The following ASPRV1 variants were observed in gnomAD, a reference collection of about 807,000 sequenced individuals.
The protein encoded by ASPRV1 is retroviral-like aspartic protease 1.
In ASPRV1, 7 loss-of-function variants were observed where a neutral mutation model predicts 11.0. The observed-to-expected ratio is 0.64, with a 90% CI of 0.36 to 1.20. The LOEUF is 1.20. Ranked by LOEUF, ASPRV1 falls within the 50% of genes most tolerant of loss-of-function variation. The pLI, the probability that ASPRV1 is intolerant of heterozygous loss-of-function variation, is 0.02. For synonymous variants in ASPRV1, 136 were observed against 138.4 expected (o/e 0.98, Z 0.12); for missense variants, 299 against 320.0 (o/e 0.93, Z 0.50).
At chr2:69,956,375 G>C (rs116504853), downstream of ASPRV1, among the ~76,000 whole-genome samples, 1,916 of 151,458 alleles carry the variant, frequency 0.013, 39 homozygotes, top group South Asian at 0.037. Flanking sequence ...TTGAGCCCAG[G>C]AGTTTGAGAC....
chr2:70,062,884 T>G, the ASPRV1 span, among the ~76,000 whole-genome samples: 2 of 152,232 alleles, frequency 1.3e-5, no homozygotes, highest in South Asian at 4.1e-4. Context: ...CCATGGGACT[T>G]AAGAGAACAG....
the ASPRV1 span, among the ~76,000 whole-genome samples, chr2:70,008,377 G>A: frequency 6.6e-6 from 1 of 152,090 alleles, no homozygotes; most frequent in African/African-American, 2.4e-5. Context: ...CCTGACAATA[G>A]AAAACTTAAT....
chr2:70,009,672 G>C, the ASPRV1 span, among the ~76,000 whole-genome samples: 1 of 152,160 alleles, frequency 6.6e-6, no homozygotes, highest in East Asian at 1.9e-4. Flanking sequence ...CACATCCTTT[G>C]CCTCCAGGGG....
At chr2:69,972,660 C>T in the ASPRV1 span, among the ~76,000 whole-genome samples, 2 of 152,044 alleles carry the variant, frequency 1.3e-5, no homozygotes, top group Non-Finnish European at 1.5e-5. Context: ...CCGGGCCTGC[C>T]GTCCTCTCGG....
At chr2:70,021,593 C>G in the ASPRV1 span, among the ~76,000 whole-genome samples, 151 of 152,240 alleles carry the variant, frequency 9.9e-4, no homozygotes, top group African/African-American at 3.6e-3. Context: ...GCTGGGATTA[C>G]AGGTGTGAGC....
At chr2:70,057,164 G>A in the ASPRV1 span, among the ~76,000 whole-genome samples, 2 of 152,008 alleles carry the variant, frequency 1.3e-5, no homozygotes, top group East Asian at 1.9e-4. Flanking sequence ...CACTTTGGGA[G>A]GCCAAGGTAG....
the ASPRV1 span, among the ~76,000 whole-genome samples, chr2:70,058,882 C>CTT: frequency 2.8e-3 from 283 of 102,226 alleles, 5 homozygotes; most frequent in East Asian, 3.8e-3. Flanking sequence ...TATTACCCAA[C>CTT]TTTTTTTTTT....
chr2:70,076,256 G>A, the ASPRV1 span, among the ~76,000 whole-genome samples: 4 of 152,340 alleles, frequency 2.6e-5, no homozygotes, highest in East Asian at 7.7e-4. Context: ...CTAAGGTGAT[G>A]CAGCGTAATG....
At chr2:70,017,060 A>G in the ASPRV1 span, among the ~76,000 whole-genome samples, 1 of 152,050 alleles carries the variant, frequency 6.6e-6, no homozygotes, top group African/African-American at 2.4e-5. Flanking sequence ...GCGTGATCTC[A>G]GATCACTGCA....
chr2:69,987,131 G>T, the ASPRV1 span, among the ~76,000 whole-genome samples: 1 of 152,290 alleles, frequency 6.6e-6, no homozygotes, highest in Admixed American at 6.5e-5. Context: ...GGGTGGGAAT[G>T]CGTGAGAAGT....
chr2:70,003,492 GCTCT>G, the ASPRV1 span, among the ~76,000 whole-genome samples: 1 of 152,206 alleles, frequency 6.6e-6, no homozygotes, highest in African/African-American at 2.4e-5. Context: ...GCACTCTCTT[GCTCT>G]CTCTGTGAAG....
At chr2:69,947,724 T>TTATTGGGGTCAA in the ASPRV1 span, among the ~76,000 whole-genome samples, 1 of 151,592 alleles carries the variant, frequency 6.6e-6, no homozygotes, top group African/African-American at 2.4e-5. Flanking sequence ...GGGTCAAGGG[T>TTATTGGGGTCAA]GTGGAGAGGG....
chr2:69,991,230 T>A, the ASPRV1 span, among the ~76,000 whole-genome samples: 1 of 152,122 alleles, frequency 6.6e-6, no homozygotes, highest in African/African-American at 2.4e-5. Context: ...GAAGCGGGGA[T>A]GGAGAAAGGC....
chr2:69,969,762 G>A, the ASPRV1 span, among the ~76,000 whole-genome samples: 3 of 151,976 alleles, frequency 2.0e-5, no homozygotes, highest in South Asian at 2.1e-4. Flanking sequence ...TGTTTGTTTC[G>A]TCACCTAGGC....
the ASPRV1 span, among the ~76,000 whole-genome samples, chr2:70,054,345 T>C: frequency 1.3e-5 from 2 of 149,538 alleles, no homozygotes; most frequent in African/African-American, 5.0e-5. Context: ...CCCAGCACTT[T>C]GGGAGGCCGA....
chr2:69,969,276 G>A, the ASPRV1 span, among the ~76,000 whole-genome samples: 2 of 152,268 alleles, frequency 1.3e-5, no homozygotes, highest in South Asian at 2.1e-4. Flanking sequence ...GAGGCAGCCC[G>A]CTTACACTCT....
chr2:70,068,564 C>T, the ASPRV1 span, among the ~76,000 whole-genome samples: 12 of 151,920 alleles, frequency 7.9e-5, no homozygotes, highest in Non-Finnish European at 1.6e-4. Flanking sequence ...AGAGCAGCAG[C>T]AGGAAGCTAG....
the ASPRV1 span, chr2:70,085,696 T>G: frequency 6.6e-5 from 10 of 152,242 alleles, no homozygotes; most frequent in Non-Finnish European, 1.5e-4. Context: ...AAATTAAAGA[T>G]AGAATACGGT....
chr2:70,050,603 A>G, the ASPRV1 span: 1 of 152,180 alleles, frequency 6.6e-6, no homozygotes, highest in South Asian at 2.1e-4. Context: ...ATTCTATGTT[A>G]TATATGATAG....
Sources: gnomAD v4.1 joint callset for allele counts (sites outside exome capture counted in the v4.1 genomes callset) on GRCh38, gnomAD v4.1.1 for gene constraint, MANE v1.5 for transcripts, NCBI Gene and HGNC (gene_info 2026-07-23, HGNC 2026-07-21) for gene names.